Variants in CCBE1 observed in about 807,000 individuals in gnomAD.
CCBE1 encodes the protein collagen and calcium binding EGF domains 1.
CCBE1 carries 37 observed loss-of-function variants against 50.0 expected under a neutral mutation model. The observed-to-expected ratio is 0.74, with a 90% CI of 0.57 to 0.97. CCBE1 has a LOEUF of 0.97. CCBE1 is among the 50% of genes least tolerant of loss of function. CCBE1 has a pLI of 0.00. For missense variants in CCBE1, 538 were observed against 523.8 expected (o/e 1.03, Z -0.26); for synonymous variants, 234 against 203.7 (o/e 1.15, Z -1.27).
intron 2 of CCBE1, among the ~76,000 whole-genome samples, chr18:59,638,883 A>G (rs2144641021): frequency 7.0e-6 from 1 of 143,800 alleles, no homozygotes; most frequent in African/African-American, 2.6e-5. Context: ...AAGATTAAAG[A>G]ACTTTTAAGA....
At chr18:59,575,895 T>C (rs1568214533) in intron 2 of CCBE1, among the ~76,000 whole-genome samples, 1 of 152,224 alleles carries the variant, frequency 6.6e-6, no homozygotes, top group Non-Finnish European at 1.5e-5. Context: ...AGCCAGTAAC[T>C]ACCATCACAA....
intron 2 of CCBE1, among the ~76,000 whole-genome samples, chr18:59,528,031 T>C (rs367965779): frequency 6.6e-4 from 101 of 152,342 alleles, no homozygotes; most frequent in African/African-American, 2.4e-3. Context: ...CCTATCTTGC[T>C]AGGTTGAGGA....
intron 5 of CCBE1, among the ~76,000 whole-genome samples, chr18:59,461,790 T>C (rs1159026551): frequency 7.1e-6 from 1 of 140,772 alleles, no homozygotes; most frequent in African/African-American, 2.6e-5. Context: ...CCAAGTGCAA[T>C]GGTGTGATCT....
intron 2 of CCBE1, among the ~76,000 whole-genome samples, chr18:59,485,584 ATATTTATTTATTTATT>A (rs60888501): frequency 1.4e-5 from 2 of 140,856 alleles, no homozygotes; most frequent in Admixed American, 7.2e-5. Flanking sequence ...GATATATCAG[ATATTTATTTATTTATT>A]TATTTATTTA....
intron 2 of CCBE1, among the ~76,000 whole-genome samples, chr18:59,642,301 T>C (rs4245282): frequency 0.45 from 68,747 of 152,046 alleles, 17,211 homozygotes; most frequent in Non-Finnish European, 0.56. Flanking sequence ...GATACCATTT[T>C]ATACCCACAT....
intron 2 of CCBE1, among the ~76,000 whole-genome samples, chr18:59,614,157 C>A (rs1369285869): frequency 2.0e-5 from 3 of 152,180 alleles, no homozygotes; most frequent in African/African-American, 4.8e-5. Flanking sequence ...AGCCACACAC[C>A]GCCATGCCCC....
At chr18:59,627,814 A>T (rs1329262972) in intron 2 of CCBE1, among the ~76,000 whole-genome samples, 1 of 152,226 alleles carries the variant, frequency 6.6e-6, no homozygotes, top group African/African-American at 2.4e-5. Flanking sequence ...CTATGAGGAT[A>T]CATTTCTGTT....
At chr18:59,630,442 C>A (rs974728337) in intron 2 of CCBE1, among the ~76,000 whole-genome samples, 1 of 152,152 alleles carries the variant, frequency 6.6e-6, no homozygotes, top group East Asian at 1.9e-4. Context: ...GGAAAACCAC[C>A]ATTTTATGAT....
intron 2 of CCBE1, among the ~76,000 whole-genome samples, chr18:59,666,426 A>G (rs1260532211): frequency 1.3e-5 from 2 of 152,160 alleles, no homozygotes; most frequent in Non-Finnish European, 2.9e-5. Flanking sequence ...TGAAAGTTCC[A>G]TTTTTGTGAA....
chr18:59,454,818 A>G, intron 6 of CCBE1, 33 bp downstream of exon 6: 1 of 1,561,968 alleles, frequency 6.4e-7, no homozygotes, highest in Non-Finnish European at 8.8e-7. Flanking sequence ...TCCTTCCATC[A>G]GGCATCATCG....
At chr18:59,611,966 G>A (rs2053575098) in intron 2 of CCBE1, among the ~76,000 whole-genome samples, 3 of 152,166 alleles carry the variant, frequency 2.0e-5, no homozygotes, top group Admixed American at 6.5e-5. Context: ...CATACCTGGA[G>A]TCCAACTCAG....
At chr18:59,527,031 A>G (rs949725723) in intron 2 of CCBE1, among the ~76,000 whole-genome samples, 2 of 152,158 alleles carry the variant, frequency 1.3e-5, no homozygotes, top group African/African-American at 4.8e-5. Flanking sequence ...GGCTCACTTG[A>G]TCCAGAGCTG....
At chr18:59,531,768 C>T (rs1229856355) in intron 2 of CCBE1, among the ~76,000 whole-genome samples, 2 of 152,218 alleles carry the variant, frequency 1.3e-5, no homozygotes, top group East Asian at 3.9e-4. Flanking sequence ...CACATATGCT[C>T]CTGCAAGCCT....
intron 5 of CCBE1, among the ~76,000 whole-genome samples, chr18:59,466,158 T>TA (rs200701200): frequency 0.014 from 2,145 of 152,214 alleles, 33 homozygotes; most frequent in Non-Finnish European, 0.023. Context: ...TGATATGGTT[T>TA]AGCTGTGTCC....
At chr18:59,565,556 T>A (rs2052810359) in intron 2 of CCBE1, among the ~76,000 whole-genome samples, 1 of 152,164 alleles carries the variant, frequency 6.6e-6, no homozygotes, top group South Asian at 2.1e-4. Context: ...GTGCCTGACC[T>A]TAGAATTAGG....
At chr18:59,580,575 A>G (rs1196610064) in intron 2 of CCBE1, among the ~76,000 whole-genome samples, 2 of 152,206 alleles carry the variant, frequency 1.3e-5, no homozygotes, top group Non-Finnish European at 2.9e-5. Flanking sequence ...TCAGGGTTAG[A>G]AAATCTTGGG....
In CCBE1 at chr18:59,671,029, G is replaced by A. The variant is rs530720954; in HGVS notation, c.212+25600C>T. Among the ~76,000 whole-genome samples the A allele has an allele frequency of 3.3e-4, 50 of 152,278 alleles. No homozygotes were observed. The South Asian group carries it at 5.0e-3, about 15-fold the overall frequency. On this transcript the variant is annotated intron_variant, in intron 2 of 10. Transcript: ENST00000439986. ...ATCAAAATCTAAACCCATGATTGAC[G>A]TTCAAAGCTATGCCACAACTTGGCC...
At chr18:59,631,719 TA>T (rs2053851025) in intron 2 of CCBE1, among the ~76,000 whole-genome samples, 1 of 152,142 alleles carries the variant, frequency 6.6e-6, no homozygotes, top group Non-Finnish European at 1.5e-5. Context: ...AACACCAACT[TA>T]AGAAGCACTG....
intron 2 of CCBE1, among the ~76,000 whole-genome samples, chr18:59,659,660 G>A (rs990499460): frequency 1.3e-5 from 2 of 152,196 alleles, no homozygotes; most frequent in East Asian, 3.8e-4. Flanking sequence ...GATTTCTAGA[G>A]AGCCTGGGTC....
Sources: allele counts gnomAD v4.1 joint callset (sites outside exome capture counted in the v4.1 genomes callset), GRCh38; gene constraint gnomAD v4.1.1; transcripts MANE v1.5; gene names NCBI Gene and HGNC (gene_info 2026-07-23, HGNC 2026-07-21).